CEP83: variants seen among roughly 807,000 people sequenced by gnomAD.
The protein encoded by CEP83 is centrosomal protein of 83 kDa.
Under a neutral mutation model 101.9 loss-of-function variants are expected in CEP83, and 70 were observed. The ratio of observed to expected loss-of-function variants is 0.69; its 90% CI spans 0.57 to 0.84. CEP83 has a LOEUF of 0.84. CEP83 is among the 40% of genes least tolerant of loss of function. The probability of loss-of-function intolerance (pLI) is 0.00; values close to 1 mark genes in which losing one functional copy is unlikely to be tolerated. For missense variants in CEP83, 715 were observed against 787.2 expected (o/e 0.91, Z 1.10); for synonymous variants, 264 against 267.9 (o/e 0.99, Z 0.14).
At chr12:94,381,433 T>C (rs2061843037) in intron 6 of CEP83, among the ~76,000 whole-genome samples, 1 of 152,170 alleles carries the variant, frequency 6.6e-6, no homozygotes, top group Non-Finnish European at 1.5e-5. Flanking sequence ...AGACAATGTG[T>C]TAACTAATAT....
Position 94,310,068 on chromosome 12 carries a change from T to C in CEP83, c.1851A>G (p.Lys617=). 1 of 1,603,514 alleles carries C rather than the reference T, an allele frequency of 6.2e-7. No individual in the cohort carries two copies. Among genetic ancestry groups the C allele is most frequent in the East Asian group, 2.2e-5 (1 of 44,762 alleles). The change falls in exon 16 of 17, where the codon AAA becomes AAG. Residue 617 remains lysine, a synonymous_variant. Transcript: ENST00000397809. ...VPFEDYTRLQ[K]RLKDIQRRHN... Reference sequence around the variant, plus strand: ...GTCTTCTCTGTATATCTTTTAGTCTTTTTTGAAGCCTTGTATAGTCTTCAA... The same window carrying C: ...GTCTTCTCTGTATATCTTTTAGTCTCTTTTGAAGCCTTGTATAGTCTTCAA...
intron 9 of CEP83, 38 bp downstream of exon 9, chr12:94,369,884 A>AAGCAGC: frequency 9.7e-7 from 1 of 1,029,196 alleles, no homozygotes. Flanking sequence ...ATCTGAAAAT[A>AAGCAGC]AGCAGCAGCA....
intron 11 of CEP83, among the ~76,000 whole-genome samples, chr12:94,354,218 T>A (rs925361604): frequency 1.3e-5 from 2 of 151,290 alleles, no homozygotes; most frequent in Non-Finnish European, 2.9e-5. Context: ...TGAGATGGAG[T>A]CTTGCTCTGG....
At chr12:94,285,166 CAGG>C in the CEP83 span, among the ~76,000 whole-genome samples, 2 of 152,146 alleles carry the variant, frequency 1.3e-5, no homozygotes, top group African/African-American at 2.4e-5. Context: ...CTAGAGAAGA[CAGG>C]AGGAGGAGCA....
intron 1 of CEP83, among the ~76,000 whole-genome samples, chr12:94,455,698 C>G (rs1216817353): frequency 6.6e-6 from 1 of 152,170 alleles, no homozygotes; most frequent in Non-Finnish European, 1.5e-5. Context: ...ATACAGAAGG[C>G]AAATAACTGG....
At chr12:94,334,254 T>C (rs1008590044) in intron 12 of CEP83, among the ~76,000 whole-genome samples, 1 of 152,190 alleles carries the variant, frequency 6.6e-6, no homozygotes, top group African/African-American at 2.4e-5. Context: ...ATAAATGCTA[T>C]AGATTCCTTG....
At chr12:94,437,344 A>G (rs1299046904) in intron 1 of CEP83, among the ~76,000 whole-genome samples, 1 of 152,156 alleles carries the variant, frequency 6.6e-6, no homozygotes, top group Non-Finnish European at 1.5e-5. Flanking sequence ...GACTTGGTCT[A>G]AAACACATAC....
At chr12:94,303,693 CTTTTTTT>C, downstream of CEP83, 3 of 699,124 alleles carry the variant, frequency 4.3e-6, no homozygotes, top group African/African-American at 2.9e-5. Context: ...ATTCCTCCAT[CTTTTTTT>C]TTTTTTTTTT....
At chr12:94,457,790 A>T (rs2067796603) in intron 1 of CEP83, among the ~76,000 whole-genome samples, 1 of 152,258 alleles carries the variant, frequency 6.6e-6, no homozygotes, top group Non-Finnish European at 1.5e-5. Flanking sequence ...TTATTGATTG[A>T]AAAGATCATT....
At chr12:94,383,631 T>C (rs1467643752) in intron 6 of CEP83, among the ~76,000 whole-genome samples, 1 of 152,112 alleles carries the variant, frequency 6.6e-6, no homozygotes, top group Non-Finnish European at 1.5e-5. Context: ...ATTCAGACCA[T>C]TTACATTTAT....
the CEP83 span, among the ~76,000 whole-genome samples, chr12:94,269,432 T>TA: frequency 6.6e-6 from 1 of 152,212 alleles, no homozygotes; most frequent in Non-Finnish European, 1.5e-5. Context: ...TTGGGACAAT[T>TA]ACGTTTAATA....
At chr12:94,446,466 T>G (rs1177974786) in intron 1 of CEP83, among the ~76,000 whole-genome samples, 1 of 152,124 alleles carries the variant, frequency 6.6e-6, no homozygotes, top group African/African-American at 2.4e-5. Flanking sequence ...TCCCAGCACT[T>G]TGGGAGGGCA....
intron 1 of CEP83, among the ~76,000 whole-genome samples, chr12:94,435,588 A>T (rs1373275423): frequency 6.6e-6 from 1 of 152,188 alleles, no homozygotes; most frequent in African/African-American, 2.4e-5. Flanking sequence ...AAACCCCAGT[A>T]CTTATCCTGC....
chr12:94,275,636 G>A, the CEP83 span, among the ~76,000 whole-genome samples: 1 of 138,886 alleles, frequency 7.2e-6, no homozygotes. Context: ...GGCGGATCAC[G>A]AGGTCAGGAG....
intron 11 of CEP83, among the ~76,000 whole-genome samples, chr12:94,340,531 G>A (rs773866587): frequency 6.6e-6 from 1 of 152,052 alleles, no homozygotes. Context: ...CCGCCTCCCA[G>A]GTTCACGCAA....
downstream of CEP83, chr12:94,303,799 C>T: frequency 6.3e-7 from 1 of 1,592,288 alleles, no homozygotes; most frequent in Non-Finnish European, 8.6e-7. Flanking sequence ...GATATCCCAA[C>T]CTACAAAGAA....
chr12:94,384,256 T>C (rs2062009003), intron 6 of CEP83, among the ~76,000 whole-genome samples: 2 of 152,204 alleles, frequency 1.3e-5, no homozygotes, highest in South Asian at 4.1e-4. Context: ...CAGCACTTGA[T>C]AATGTGCCAC....
chr12:94,358,245 A>G (rs2060573093), intron 11 of CEP83, among the ~76,000 whole-genome samples: 1 of 152,208 alleles, frequency 6.6e-6, no homozygotes, highest in African/African-American at 2.4e-5. Context: ...GAAGAGATTT[A>G]TTACAACAAT....
At chr12:94,430,260 C>T (rs2065519628) in intron 2 of CEP83, among the ~76,000 whole-genome samples, 1 of 151,874 alleles carries the variant, frequency 6.6e-6, no homozygotes, top group South Asian at 2.1e-4. Flanking sequence ...TCTCCAGCAA[C>T]AAATCCCAAT....
Sources: allele counts gnomAD v4.1 joint callset (sites outside exome capture counted in the v4.1 genomes callset), GRCh38; gene constraint gnomAD v4.1.1; transcripts MANE v1.5; gene names NCBI Gene and HGNC (gene_info 2026-07-23, HGNC 2026-07-21).